The following CDC40 variants were observed in gnomAD, a reference collection of about 807,000 sequenced individuals.
CDC40 encodes the protein pre-mRNA-processing factor 17.
Under a neutral mutation model 80.6 loss-of-function variants are expected in CDC40, and 27 were observed. The ratio of observed to expected loss-of-function variants is 0.33; its 90% CI spans 0.25 to 0.46. CDC40 has a LOEUF of 0.46. Ranked by LOEUF, CDC40 falls within the 20% of genes least tolerant of loss-of-function variation. The probability of loss-of-function intolerance (pLI) is 1.00; values close to 1 mark genes in which losing one functional copy is unlikely to be tolerated. For synonymous variants in CDC40, 221 were observed against 232.6 expected (o/e 0.95, Z 0.45); for missense variants, 486 against 694.1 (o/e 0.70, Z 3.37).
At chr6:110,206,370 G>T (rs191320110) in intron 3 of CDC40, among the ~76,000 whole-genome samples, 1 of 152,036 alleles carries the variant, frequency 6.6e-6, no homozygotes, top group African/African-American at 2.4e-5. Context: ...TTCTATTATC[G>T]TACACATGAG....
intron 3 of CDC40, among the ~76,000 whole-genome samples, chr6:110,206,918 T>C (rs375984458): frequency 2.4e-4 from 37 of 152,212 alleles, no homozygotes; most frequent in African/African-American, 8.2e-4. Context: ...AGTAATGTAA[T>C]GTCAGTATGC....
chr6:110,228,701 A>T, intron 13 of CDC40, 131 bp from the exon 14 acceptor site: 1 of 633,354 alleles, frequency 1.6e-6, no homozygotes, highest in Non-Finnish European at 2.5e-6. Context: ...TGGTATAGTA[A>T]ATTTATTTTT....
chr6:110,229,511 G>A (rs1411384024), intron 14 of CDC40, among the ~76,000 whole-genome samples: 1 of 152,150 alleles, frequency 6.6e-6, no homozygotes. Context: ...TGTTTGTTTA[G>A]CCTAGTAATT....
chr6:110,227,032 A>G (rs1777872755), intron 13 of CDC40, among the ~76,000 whole-genome samples: 1 of 152,076 alleles, frequency 6.6e-6, no homozygotes, highest in East Asian at 1.9e-4. Flanking sequence ...AGTAATAGTG[A>G]TTTACTGTAA....
Position 110,209,135 on chromosome 6 carries a change from T to G in CDC40, c.542T>G (p.Phe181Cys). The G allele has an allele frequency of 6.2e-7, 1 of 1,604,528 alleles. No individual in the cohort carries two copies. The highest frequency in any genetic ancestry group is 8.5e-7 in the Non-Finnish European group (1 of 1,171,584). ...GQKKTEKRKKFKENDASNIDG... is the reference protein window; with the variant it reads ...GQKKTEKRKKCKENDASNIDG... ...AAGAAAACAGAAAAGAGGAAAAAGT[T>G]TAAAGAAAATGATGCATCCAATATT... is the stretch of plus-strand genomic sequence containing the variant. The change falls in exon 5 of 15, where the codon TTT becomes TGT. Residue 181 changes from phenylalanine (F) to cysteine (C), a missense_variant. Phe to Cys is a radical substitution (Grantham distance 205, BLOSUM62 -2). This residue lies in a region of CDC40 where 381 missense variants were observed against 492.1 expected (regional missense o/e 0.77). Transcript: ENST00000307731.
chr6:110,227,586 A>T (rs193299264), intron 13 of CDC40, among the ~76,000 whole-genome samples: 1 of 152,296 alleles, frequency 6.6e-6, no homozygotes, highest in East Asian at 1.9e-4. Context: ...TTAGTAAGTA[A>T]TGTTTACATG....
At chr6:110,191,465 C>G (rs927450076) in intron 1 of CDC40, among the ~76,000 whole-genome samples, 5 of 152,070 alleles carry the variant, frequency 3.3e-5, no homozygotes, top group Non-Finnish European at 7.4e-5. Context: ...GCAAAATCCG[C>G]CTTGTGTAGT....
chr6:110,180,695 C>G (rs1402182467), intron 1 of CDC40, 62 bp downstream of exon 1: 26 of 1,237,198 alleles, frequency 2.1e-5, no homozygotes, highest in Non-Finnish European at 2.9e-5. Flanking sequence ...GAACTGCCAG[C>G]CGCTTGTTAG....
At chr6:110,193,561 C>A (rs924334927) in intron 2 of CDC40, among the ~76,000 whole-genome samples, 3 of 152,062 alleles carry the variant, frequency 2.0e-5, no homozygotes, top group Non-Finnish European at 4.4e-5. Context: ...CCCACCACCA[C>A]GCCTGGCTAA....
intron 12 of CDC40, among the ~76,000 whole-genome samples, chr6:110,221,703 A>C (rs1777778456): frequency 6.6e-6 from 1 of 152,214 alleles, no homozygotes; most frequent in Non-Finnish European, 1.5e-5. Flanking sequence ...CTACCTTCAG[A>C]TATTTTCAAT....
At chr6:110,192,130 T>C (rs929908070) in intron 1 of CDC40, among the ~76,000 whole-genome samples, 1 of 152,130 alleles carries the variant, frequency 6.6e-6, no homozygotes, top group Admixed American at 6.5e-5. Context: ...AGGAGTAGCA[T>C]AACCTGACTA....
In CDC40 at chr6:110,209,217, T is replaced by A. The variant is rs1316013225; in HGVS notation, c.624T>A (p.Pro208=). 6.2e-7 allele frequency: 1 copy of A among 1,612,952 alleles called. No individual in the cohort carries two copies. Among genetic ancestry groups the A allele is most frequent in the Admixed American group, 1.7e-5 (1 of 60,012 alleles). Residue 208 remains proline, a synonymous_variant, in exon 5 of 15, where the codon CCT becomes CCA. Coordinates refer to ENST00000307731, the MANE Select transcript of CDC40 (RefSeq NM_015891.3). ...KYVDEKDVAK[P]SEEEQKELDE... ...TGGATGAAAAAGATGTAGCCAAACC[T>A]TCAGAAGTAAGCTTTGATGTTTTTA...
intron 8 of CDC40, among the ~76,000 whole-genome samples, chr6:110,214,432 T>C (rs936106886): frequency 6.6e-6 from 1 of 152,216 alleles, no homozygotes; most frequent in Non-Finnish European, 1.5e-5. Context: ...CATACCTTAG[T>C]AAGTTGGTTA....
chr6:110,189,636 C>T (rs955770187), intron 1 of CDC40, among the ~76,000 whole-genome samples: 1 of 152,194 alleles, frequency 6.6e-6, no homozygotes. Flanking sequence ...TTTATTCCCT[C>T]CTACCTCTTC....
At position 110,220,646 on chromosome 6, in the gene CDC40, T is replaced by C. The variant is rs551890369; in HGVS notation, c.1340+777T>C. Among the ~76,000 whole-genome samples, 140 of 152,116 alleles carry C rather than the reference T, an allele frequency of 9.2e-4. 1 individual carries two copies. The highest frequency in any genetic ancestry group is 2.1e-3 in the African/African-American group (88 of 41,504). ...TTTTTTAGTAGAGATGGGGTTTCAC[T>C]GTGTTAGCCAGGATGGTCTCGATTT... On this transcript the variant is annotated intron_variant, in intron 12 of 14. Coordinates refer to ENST00000307731, the MANE Select transcript of CDC40 (RefSeq NM_015891.3).
rs778419391 is a variant in CDC40 at position 110,212,112 on chromosome 6, T to C, written c.728-21T>C. ...TATGGGTTGTATTTGTTTATTGATT[T>C]TCTTTGCCTTTTTGTTTCAGTTAAA... On this transcript the variant is annotated intron_variant, in intron 6 of 14. Transcript: ENST00000307731. 1.9e-6 allele frequency: 3 copies of C among 1,602,840 alleles called. No individual in the cohort carries two copies. The South Asian group carries it at 3.3e-5, about 18-fold the overall frequency.
intron 12 of CDC40, among the ~76,000 whole-genome samples, chr6:110,225,096 C>G (rs182073630): frequency 3.3e-5 from 5 of 152,264 alleles, no homozygotes; most frequent in Non-Finnish European, 2.9e-5. Flanking sequence ...TTCCTCTGAC[C>G]ATGACCCTGA....
At position 110,232,043 on chromosome 6, in the gene CDC40, C is replaced by CAA. The variant is rs1777945238; in HGVS notation, c.*1916_*1917dup. ...TGTGAATTATTGAAATGTGAAGGGA[C>CAA]AAAAAGAATCATACATTTAAACTGT... On this transcript the variant is annotated 3_prime_UTR_variant, in exon 15 of 15. Transcript: ENST00000307731. 6.7e-6 allele frequency: 1 copy of CAA among 148,570 alleles called. No homozygotes were observed. Among genetic ancestry groups the CAA allele is most frequent in the African/African-American group, 2.5e-5 (1 of 39,844 alleles). 9.2% of individuals were successfully genotyped at this position (148,570 alleles called of 1,614,324 possible).
intron 3 of CDC40, among the ~76,000 whole-genome samples, 182 bp from the exon 4 acceptor site, chr6:110,207,314 CAAAAAAAAAA>C (rs869177206): frequency 1.9e-5 from 1 of 52,526 alleles, no homozygotes; most frequent in Non-Finnish European, 4.4e-5. Flanking sequence ...GACCCTATCT[CAAAAAAAAAA>C]AAAAAAAAAA....
Sources: gnomAD v4.1 joint callset for allele counts (sites outside exome capture counted in the v4.1 genomes callset) on GRCh38, gnomAD v4.1.1 for gene constraint, gnomAD v4.1.1 regional missense constraint, MANE v1.5 for transcripts, NCBI Gene and HGNC (gene_info 2026-07-23, HGNC 2026-07-21) for gene names.